Variants in FAXC observed in about 807,000 individuals in gnomAD.
FAXC encodes failed axon connections homolog, metaxin like GST domain containing, also known as failed axon connections homolog.
FAXC carries 10 observed loss-of-function variants against 41.9 expected under a neutral mutation model. That is an observed-to-expected ratio of 0.24 (90% CI 0.15 to 0.41). FAXC has a LOEUF of 0.41. Ranked by LOEUF, FAXC falls within the 10% of genes least tolerant of loss-of-function variation. The pLI is 1.00. For synonymous variants in FAXC, 183 were observed against 183.8 expected (o/e 1.00, Z 0.03); for missense variants, 399 against 510.9 (o/e 0.78, Z 2.11).
chr6:99,322,648 G>C (rs1028422635), intron 4 of FAXC, among the ~76,000 whole-genome samples: 3 of 152,114 alleles, frequency 2.0e-5, no homozygotes, highest in Admixed American at 6.5e-5. Context: ...CTATCCCCCA[G>C]GAGAAGCCAT....
At chr6:99,288,859 T>TACAGACACAC (rs1554197991) in intron 5 of FAXC, among the ~76,000 whole-genome samples, 1 of 145,736 alleles carries the variant, frequency 6.9e-6, no homozygotes, top group Admixed American at 6.7e-5. Flanking sequence ...CACACACACA[T>TACAGACACAC]ACACACACAC....
chr6:99,323,302 T>C (rs1480847531), intron 4 of FAXC, 142 bp downstream of exon 4: 1 of 678,202 alleles, frequency 1.5e-6, no homozygotes, highest in East Asian at 2.7e-5. Flanking sequence ...GAGGATTTGG[T>C]TAAATGTGGG....
At chr6:99,315,968 G>A (rs1419340806) in intron 4 of FAXC, among the ~76,000 whole-genome samples, 1 of 152,220 alleles carries the variant, frequency 6.6e-6, no homozygotes, top group African/African-American at 2.4e-5. Flanking sequence ...GATAGCTGCT[G>A]TATCACCACC....
Position 99,281,235 on chromosome 6 carries a change from A to C in FAXC, c.1159T>G (p.Phe387Val). The change falls in exon 6 of 6, where the codon TTT becomes GTT. Residue 387 changes from phenylalanine (F) to valine (V), a missense_variant. Transcript: ENST00000389677. The part of the protein sequence containing the change: ...NSFSRTPDTD[F>V]TGHSLFDSDV... ...GAATCAAAGAGTGAGTGTCCAGTAA[A>C]ATCTGTGTCTGGGGTTCTGGAAAAA... 1 of 1,612,658 alleles carries C rather than the reference A, an allele frequency of 6.2e-7. No individual in the cohort carries two copies. Among genetic ancestry groups the C allele is most frequent in the Non-Finnish European group, 8.5e-7 (1 of 1,178,674 alleles).
At chr6:99,346,186 CA>C (rs1466660025) in intron 1 of FAXC, among the ~76,000 whole-genome samples, 1 of 152,184 alleles carries the variant, frequency 6.6e-6, no homozygotes, top group East Asian at 1.9e-4. Context: ...ACCTAGATTT[CA>C]CCTTAAGTGG....
Position 99,342,955 on chromosome 6 carries a change from T to C in FAXC, c.345A>G (p.Leu115=). ...TTTCCATCTTTAAACAGAAAGGAGA[T>C]AAACTTGGAACACCATTGTTAGGTC... ...FARPNNGVPS[L]SPFCLKMETY... is the part of the protein sequence containing the mutation. The change falls in exon 2 of 6, where the codon TTA becomes TTG. Residue 115 remains leucine (L), a synonymous_variant. Transcript: ENST00000389677. The C allele has an allele frequency of 1.2e-6, 2 of 1,612,876 alleles. No individual in the cohort carries two copies. Among genetic ancestry groups the C allele is most frequent in the Non-Finnish European group, 1.7e-6 (2 of 1,179,572 alleles).
chr6:99,341,664 G>C (rs966906781), intron 2 of FAXC, among the ~76,000 whole-genome samples: 1 of 152,140 alleles, frequency 6.6e-6, no homozygotes, highest in African/African-American at 2.4e-5. Context: ...AGATACACTT[G>C]AATATTTTAA....
At chr6:99,338,495 C>T (rs1024209371) in intron 2 of FAXC, among the ~76,000 whole-genome samples, 25 of 152,220 alleles carry the variant, frequency 1.6e-4, no homozygotes, top group African/African-American at 5.8e-4. Context: ...GCAGCCACCA[C>T]AAACGACAGG....
chr6:99,289,719 GTA>G lies in FAXC; in HGVS notation c.940+1983_940+1984del, dbSNP rs756233571. Among the ~76,000 whole-genome samples the G allele has an allele frequency of 1.8e-3, 227 of 124,898 alleles. 1 individual carries two copies. The highest frequency in any genetic ancestry group is 0.012 in the East Asian group (48 of 3,954). 81.9% of individuals were successfully genotyped at this position (124,898 alleles called of 152,430 possible). On this transcript the variant is annotated intron_variant, in intron 5 of 5. Coordinates refer to ENST00000389677, the MANE Select transcript of FAXC (RefSeq NM_032511.4). Reference sequence around the variant, plus strand: ...TGTGTGTGTGTGTGTGTGTGTGTGTGTATATATATATATAGTCCAAAATGCAC... The same window carrying G: ...TGTGTGTGTGTGTGTGTGTGTGTGTGTATATATATATAGTCCAAAATGCAC...
chr6:99,349,458 G>A lies in FAXC; in HGVS notation c.-86C>T, dbSNP rs1421489869. On this transcript the variant is annotated 5_prime_UTR_variant, in exon 1 of 6. Transcript: ENST00000389677. ...CGGCGCGGCCCGGCGCGGGCTCAGA[G>A]GCGCGCGGAGGGCGCGGGCGGCGCG... 4.0e-6 allele frequency: 4 copies of A among 1,004,548 alleles called. No homozygotes were observed. The highest frequency in any genetic ancestry group is 4.8e-6 in the Non-Finnish European group (4 of 838,308). 62.2% of individuals were successfully genotyped at this position (1,004,548 alleles called of 1,614,324 possible).
intron 4 of FAXC, among the ~76,000 whole-genome samples, chr6:99,296,048 T>C (rs767033385): frequency 6.6e-6 from 1 of 152,230 alleles, no homozygotes; most frequent in Non-Finnish European, 1.5e-5. Context: ...TATTTATTTA[T>C]GTAAGTATGC....
chr6:99,293,056 C>CT (rs1771306170), intron 4 of FAXC, among the ~76,000 whole-genome samples: 1 of 152,366 alleles, frequency 6.6e-6, no homozygotes, highest in South Asian at 2.1e-4. Context: ...ATCTGCCCAC[C>CT]TTGGCCTCCC....
chr6:99,332,177 G>T (rs1046556616), intron 3 of FAXC, among the ~76,000 whole-genome samples: 1 of 152,066 alleles, frequency 6.6e-6, no homozygotes, highest in Non-Finnish European at 1.5e-5. Flanking sequence ...AAAGAAGAGG[G>T]TCACTTAAAA....
intron 2 of FAXC, 71 bp from the exon 3 acceptor site, chr6:99,333,618 A>G (rs961829406): frequency 4.8e-5 from 62 of 1,293,236 alleles, no homozygotes; most frequent in Non-Finnish European, 5.2e-5. Context: ...ATTAATAGAA[A>G]CAAACATTCC....
intron 4 of FAXC, among the ~76,000 whole-genome samples, chr6:99,319,422 A>G (rs1772508951): frequency 6.7e-6 from 1 of 149,912 alleles, no homozygotes; most frequent in Non-Finnish European, 1.5e-5. Context: ...AAAAAAAAAA[A>G]GCAAACCCTC....
chr6:99,323,771 A>C, intron 3 of FAXC, 104 bp from the exon 4 acceptor site: 1 of 802,194 alleles, frequency 1.2e-6, no homozygotes, highest in Admixed American at 2.3e-5. Flanking sequence ...CTCTGGAGGA[A>C]CTGAATAACT....
chr6:99,328,497 T>C (rs1271342721), intron 3 of FAXC, among the ~76,000 whole-genome samples: 1 of 152,202 alleles, frequency 6.6e-6, no homozygotes, highest in Non-Finnish European at 1.5e-5. Context: ...AGAAATAAAC[T>C]TCTGCTCTTT....
At position 99,275,541 on chromosome 6, in the gene FAXC, G is replaced by C. The variant is rs528448340; in HGVS notation, c.*5623C>G. On this transcript the variant is annotated 3_prime_UTR_variant, in exon 6 of 6. Transcript: ENST00000389677. ...GGTCCAGCCAATAGCAGGAGTTTTA[G>C]AGGGTCTAGGTCTGGGGACAAGTTC... The C allele has an allele frequency of 2.0e-5, 3 of 152,308 alleles. No homozygotes were observed. Among genetic ancestry groups the C allele is most frequent in the Non-Finnish European group, 2.9e-5 (2 of 68,030 alleles). The allele number at this position is 152,308 out of a possible 1,614,324, so 9.4% of individuals were successfully genotyped here.
At chr6:99,288,382 T>A (rs556495970) in intron 5 of FAXC, among the ~76,000 whole-genome samples, 1 of 152,074 alleles carries the variant, frequency 6.6e-6, no homozygotes, top group African/African-American at 2.4e-5. Context: ...TAGATGTGAG[T>A]GTGTATATAC....
Sources: gnomAD v4.1 joint callset for allele counts (sites outside exome capture counted in the v4.1 genomes callset) on GRCh38, gnomAD v4.1.1 for gene constraint, MANE v1.5 for transcripts, NCBI Gene and HGNC (gene_info 2026-07-23, HGNC 2026-07-21) for gene names.